The following PUM1 variants were observed in gnomAD, a reference collection of about 807,000 sequenced individuals.
The protein encoded by PUM1 is pumilio RNA binding family member 1.
Under a neutral mutation model 131.8 loss-of-function variants are expected in PUM1, and 13 were observed. The ratio of observed to expected loss-of-function variants is 0.10; its 90% CI spans 0.06 to 0.16. The LOEUF is 0.16. PUM1 is among the 10% of genes least tolerant of loss of function. PUM1 has a pLI of 1.00. For missense variants in PUM1, 961 were observed against 1,512.4 expected (o/e 0.64, Z 6.05); for synonymous variants, 509 against 556.5 (o/e 0.91, Z 1.20).
At chr1:30,942,347 CA>C (rs1168323773) in intron 18 of PUM1, among the ~76,000 whole-genome samples, 1 of 150,706 alleles carries the variant, frequency 6.6e-6, no homozygotes, top group Non-Finnish European at 1.5e-5. Flanking sequence ...TTTAGGAATT[CA>C]TAGATGTGCA....
intron 5 of PUM1, 96 bp from the exon 6 acceptor site, chr1:30,995,316 A>T (rs1641941164): frequency 7.5e-7 from 1 of 1,330,162 alleles, no homozygotes; most frequent in Non-Finnish European, 1.1e-6. Context: ...GCTACTCAGA[A>T]GAGGATAGTG....
chr1:31,065,403 AC>A (rs1376887935), intron 1 of PUM1, among the ~76,000 whole-genome samples: 1 of 95,960 alleles, frequency 1.0e-5, no homozygotes, highest in Non-Finnish European at 2.2e-5. Flanking sequence ...CCCGCTCCCC[AC>A]CCCCTCCCTC....
intron 2 of PUM1, among the ~76,000 whole-genome samples, chr1:31,032,155 T>C (rs1439758633): frequency 6.6e-6 from 1 of 152,238 alleles, no homozygotes; most frequent in Admixed American, 6.5e-5. Context: ...CAAGTCATTC[T>C]CTCACAAAAG....
chr1:31,032,325 C>A (rs1255251622), intron 2 of PUM1, among the ~76,000 whole-genome samples: 3 of 152,140 alleles, frequency 2.0e-5, no homozygotes, highest in Non-Finnish European at 2.9e-5. Flanking sequence ...AATGAAGGCA[C>A]TGTAAGAAAT....
intron 10 of PUM1, among the ~76,000 whole-genome samples, chr1:30,970,734 A>G (rs955712969): frequency 1.3e-5 from 2 of 152,254 alleles, no homozygotes; most frequent in African/African-American, 4.8e-5. Context: ...CCAATAACTC[A>G]GAAGAGATCT....
chr1:31,001,801 G>A (rs1300158497), intron 5 of PUM1, among the ~76,000 whole-genome samples: 1 of 152,084 alleles, frequency 6.6e-6, no homozygotes, highest in Admixed American at 6.5e-5. Context: ...TTTTCCCCTA[G>A]GAAACTTTTA....
At position 30,941,222 on chromosome 1, in the gene PUM1, A is replaced by C; in HGVS notation, c.3171T>G (p.Pro1057=). 6.2e-7 allele frequency: 1 copy of C among 1,612,880 alleles called. No homozygotes were observed. ...VIQHVLEHGR[P]EDKSKIVAEI... is the part of the protein sequence containing the mutation. ...CTGCTACAATTTTGCTTTTATCCTCAGGACGACCGTGCTCCAGTACATGTT... is the reference window on the plus strand; with the variant it reads ...CTGCTACAATTTTGCTTTTATCCTCCGGACGACCGTGCTCCAGTACATGTT... Residue 1057 remains proline, a synonymous_variant, in exon 20 of 22, where the codon CCT becomes CCG. Transcript: ENST00000426105.
intron 20 of PUM1, among the ~76,000 whole-genome samples, 196 bp from the exon 21 acceptor site, chr1:30,937,031 G>A (rs1570073030): frequency 6.6e-6 from 1 of 152,118 alleles, no homozygotes; most frequent in Non-Finnish European, 1.5e-5. Context: ...GCATCCAATC[G>A]TAGGAAAGGG....
intron 2 of PUM1, among the ~76,000 whole-genome samples, chr1:31,057,416 A>G (rs1644266190): frequency 6.8e-6 from 1 of 147,520 alleles, no homozygotes; most frequent in Non-Finnish European, 1.5e-5. Flanking sequence ...AAAAAAAAAA[A>G]AAAAAAGAAA....
At chr1:30,946,588 G>C (rs551510378) in intron 17 of PUM1, among the ~76,000 whole-genome samples, 1 of 142,894 alleles carries the variant, frequency 7.0e-6, no homozygotes, top group Admixed American at 7.3e-5. Flanking sequence ...AGTGAGGCAA[G>C]ATTGTGCCAC....
At chr1:31,021,354 T>C (rs1456635234) in intron 3 of PUM1, among the ~76,000 whole-genome samples, 4 of 152,218 alleles carry the variant, frequency 2.6e-5, no homozygotes, top group African/African-American at 9.6e-5. Flanking sequence ...AACCAATATT[T>C]ACTAAATTGA....
At chr1:31,024,492 T>C (rs888045919) in intron 3 of PUM1, among the ~76,000 whole-genome samples, 1 of 152,216 alleles carries the variant, frequency 6.6e-6, no homozygotes, top group African/African-American at 2.4e-5. Context: ...TTTACAAACT[T>C]GTTATAATCA....
In PUM1 at chr1:31,000,042, C is replaced by G. The variant is rs1309051959; in HGVS notation, c.721-4822G>C. On this transcript the variant is annotated intron_variant, in intron 5 of 21. Transcript: ENST00000426105. The stretch of plus-strand genomic sequence containing the variant: ...TAAATTCACAGGTGGCTGGGCCCAC[C>G]CTCTGCACCAGAGATTGATCTGATT... Among the ~76,000 whole-genome samples, 5 of 152,146 alleles carry G rather than the reference C, an allele frequency of 3.3e-5. No individual in the cohort carries two copies. In the East Asian group the frequency reaches 9.6e-4, roughly 29 times the overall value.
chr1:31,011,164 TACACAC>T (rs138764103), intron 3 of PUM1, among the ~76,000 whole-genome samples: 17,395 of 142,970 alleles, frequency 0.12, 1,100 homozygotes, highest in East Asian at 0.23. Flanking sequence ...TCTCTTAAAA[TACACAC>T]ACACACACAC....
chr1:31,055,076 C>T lies in PUM1; in HGVS notation c.363+4128G>A, dbSNP rs375349497. ...AATGCCTAGAACATATAAATATTTC[C>T]GTTATCATCAGTGGTTCTCAACCTC... On this transcript the variant is annotated intron_variant, in intron 2 of 21. Coordinates refer to ENST00000426105, the MANE Select transcript of PUM1 (RefSeq NM_001020658.2). Among the ~76,000 whole-genome samples the T allele has an allele frequency of 9.0e-4, 137 of 152,228 alleles. 2 individuals are homozygous for T. The South Asian group carries it at 0.019, about 21-fold the overall frequency.
intron 2 of PUM1, among the ~76,000 whole-genome samples, chr1:31,048,931 C>T (rs983813389): frequency 1.3e-5 from 2 of 152,088 alleles, no homozygotes; most frequent in African/African-American, 2.4e-5. Flanking sequence ...TGAGGCCGGG[C>T]GCAGTGGCTC....
chr1:31,029,352 G>A (rs1403146417), intron 2 of PUM1, among the ~76,000 whole-genome samples: 1 of 152,146 alleles, frequency 6.6e-6, no homozygotes, highest in Non-Finnish European at 1.5e-5. Context: ...ACCCTATAAT[G>A]AAGTATCCCA....
At chr1:31,005,791 A>AGAGAGAG (rs1642379496) in intron 5 of PUM1, 62 bp downstream of exon 5, 1 of 1,176,456 alleles carries the variant, frequency 8.5e-7, no homozygotes, top group South Asian at 1.9e-5. Flanking sequence ...AGGGGAAAAA[A>AGAGAGAG]AGAGAGAGAG....
chr1:31,045,188 G>C (rs982208216), intron 2 of PUM1, among the ~76,000 whole-genome samples: 15 of 151,534 alleles, frequency 9.9e-5, no homozygotes, highest in Non-Finnish European at 1.5e-4. Flanking sequence ...CTGGAGTGCA[G>C]TGGTGCGATC....
Sources: gnomAD v4.1 joint callset for allele counts (sites outside exome capture counted in the v4.1 genomes callset) on GRCh38, gnomAD v4.1.1 for gene constraint, MANE v1.5 for transcripts, NCBI Gene and HGNC (gene_info 2026-07-23, HGNC 2026-07-21) for gene names.